ELAC2: variants seen among roughly 807,000 people sequenced by gnomAD.
The protein encoded by ELAC2 is zinc phosphodiesterase ELAC protein 2.
A neutral mutation model predicts 105.2 loss-of-function variants in ELAC2; 92 were observed. That is an observed-to-expected ratio of 0.87 (90% CI 0.74 to 1.04). The LOEUF is 1.04. ELAC2 is among the 50% of genes least tolerant of loss of function. The probability of loss-of-function intolerance (pLI) is 0.00; values close to 1 mark genes in which losing one functional copy is unlikely to be tolerated. For synonymous variants in ELAC2, 468 were observed against 409.1 expected, an observed-to-expected ratio of 1.14 and a Z score of -1.74; for missense variants, 1,099 against 1,071.7, an observed-to-expected ratio of 1.03 and a Z score of -0.36.
At chr17:13,011,215 T>C (rs2041392244) in intron 7 of ELAC2, among the ~76,000 whole-genome samples, 1 of 152,178 alleles carries the variant, frequency 6.6e-6, no homozygotes, top group African/African-American at 2.4e-5. Flanking sequence ...CTGAGCTACA[T>C]CTCATCTTGG....
rs369832353 is a variant in ELAC2, at chr17:13,005,672, T to C, written c.870+81A>G. On this transcript the variant is annotated intron_variant, in intron 10 of 23. Coordinates refer to ENST00000338034, the MANE Select transcript of ELAC2 (RefSeq NM_018127.7). ...CCACGTCCTTCAAAAGTGGTGTCTGTAGGGCCTGAAGAAGACAGACTCTGC... is the reference window on the plus strand; with the variant it reads ...CCACGTCCTTCAAAAGTGGTGTCTGCAGGGCCTGAAGAAGACAGACTCTGC... The C allele has an allele frequency of 6.2e-5, 89 of 1,444,692 alleles. 1 individual carries two copies. The African/African-American group carries it at 8.4e-4, about 14-fold the overall frequency. The allele number at this position is 1,444,692 out of a possible 1,614,324, so 89.5% of individuals were successfully genotyped here.
At position 13,014,485 on chromosome 17, in the gene ELAC2, G is replaced by C. The variant is rs547423100; in HGVS notation, c.444C>G (p.Leu148=). ...GACCAGAAAATATTTTGATTGCTTC[G>C]AGGTATTTTTCCTAATGAAAAACAA... is the stretch of plus-strand genomic sequence containing the variant. ...LSGPPQLEKY[L]EAIKIFSGPL... The change falls in exon 5 of 24, where the codon CTC becomes CTG. Residue 148 remains leucine, a synonymous_variant. Coordinates refer to ENST00000338034, the MANE Select transcript of ELAC2 (RefSeq NM_018127.7). 24 of 1,613,124 alleles carry C rather than the reference G, an allele frequency of 1.5e-5. No individual in the cohort carries two copies. In the Admixed American group the frequency reaches 1.7e-4, roughly 11 times the overall value.
At chr17:13,003,131 T>C (rs2040914987) in intron 12 of ELAC2, among the ~76,000 whole-genome samples, 1 of 152,148 alleles carries the variant, frequency 6.6e-6, no homozygotes, top group Admixed American at 6.5e-5. Context: ...TCCCACAAAG[T>C]GGGCATTCAG....
chr17:12,995,747 G>A lies in ELAC2; in HGVS notation c.1764C>T (p.Leu588=), dbSNP rs371826400. ...CCTGGCACTGGTTGTGGTACTGCTGGAGCCAGGCTTTGAGCTGGTTGGGGG... is the reference window on the plus strand; with the variant it reads ...CCTGGCACTGGTTGTGGTACTGCTGAAGCCAGGCTTTGAGCTGGTTGGGGG... ...VVAPNQLKAW[L]QQYHNQCQEV... The change falls in exon 19 of 24, where the codon CTC becomes CTT. Residue 588 remains leucine, a synonymous_variant. Transcript: ENST00000338034. 3 of 1,612,992 alleles carry A rather than the reference G, an allele frequency of 1.9e-6. No individual in the cohort carries two copies. The highest frequency in any genetic ancestry group is 2.2e-5 in the East Asian group (1 of 44,844).
At chr17:12,993,378 C>T (rs542693936) in intron 23 of ELAC2, among the ~76,000 whole-genome samples, 8 of 152,326 alleles carry the variant, frequency 5.3e-5, no homozygotes, top group Non-Finnish European at 8.8e-5. Context: ...TTCCCACTCA[C>T]AAGAGGCAAC....
chr17:13,002,821 A>G, intron 12 of ELAC2: 1 of 602,032 alleles, frequency 1.7e-6, no homozygotes, highest in Non-Finnish European at 2.9e-6. Context: ...CAAGAAAAAG[A>G]AGATGTCCAG....
Position 13,010,598 on chromosome 17 carries a change from G to T in ELAC2, c.738+15C>A. 1 of 1,613,702 alleles carries T rather than the reference G, an allele frequency of 6.2e-7. No homozygotes were observed. Among genetic ancestry groups the T allele is most frequent in the East Asian group, 2.2e-5 (1 of 44,880 alleles). ...GACCCCAGTCATGTACAGCCCTCCG[G>T]AAAGTCTTCCTTACCTTACAGATGA... On this transcript the variant is annotated intron_variant, in intron 8 of 23. Coordinates refer to ENST00000338034, the MANE Select transcript of ELAC2 (RefSeq NM_018127.7).
In ELAC2 at chr17:12,998,433, C is replaced by A. The variant is rs780515586; in HGVS notation, c.1499G>T (p.Ser500Ile). The A allele has an allele frequency of 2.5e-6, 4 of 1,614,074 alleles. No individual in the cohort carries two copies. Among genetic ancestry groups the A allele is most frequent in the Non-Finnish European group, 1.7e-6 (2 of 1,180,032 alleles). ...ATACCTTATGTTGACAAGTGTGGCA[C>A]TGACATTTCGAATCTTCATCGGGAT... Reference protein sequence around the residue: ...SAIPMKIRNVSATLVNISPDT... With the variant: ...SAIPMKIRNVIATLVNISPDT... Residue 500 changes from serine (S) to isoleucine (I), a missense_variant, in exon 16 of 24, where the codon AGT (serine) becomes ATT (isoleucine). Transcript: ENST00000338034.
At chr17:13,003,392 G>A in intron 12 of ELAC2, 87 bp downstream of exon 12, 5 of 1,236,604 alleles carry the variant, frequency 4.0e-6, no homozygotes, top group Non-Finnish European at 4.8e-6. Context: ...AGGGTAGGTA[G>A]CGCTGGAAAG....
chr17:13,010,472 C>T, intron 8 of ELAC2, 141 bp downstream of exon 8: 1 of 789,808 alleles, frequency 1.3e-6, no homozygotes, highest in Non-Finnish European at 2.1e-6. Context: ...CCCGGCCTTC[C>T]ATCAGCTTTT....
Position 12,998,057 on chromosome 17 carries a change from C to T in ELAC2, c.1520+355G>A, listed in dbSNP as rs538611043. 3.9e-4 allele frequency among the ~76,000 whole-genome samples: 60 copies of T among 152,346 alleles called. 1 individual carries two copies. Among genetic ancestry groups the T allele is most frequent in the African/African-American group, 1.3e-3 (53 of 41,594 alleles). ...ACCAGCTGTAGGAACCATAGCAAGTCACCTCTCTGAATATCAGGTCACTCA... is the reference window on the plus strand; with the variant it reads ...ACCAGCTGTAGGAACCATAGCAAGTTACCTCTCTGAATATCAGGTCACTCA... On this transcript the variant is annotated intron_variant, in intron 16 of 23. Coordinates refer to ENST00000338034, the MANE Select transcript of ELAC2 (RefSeq NM_018127.7).
chr17:13,003,810 T>C (rs2040962128), intron 11 of ELAC2: 1 of 560,496 alleles, frequency 1.8e-6, no homozygotes, highest in Non-Finnish European at 3.2e-6. Flanking sequence ...GGCTTTCCAG[T>C]AGGCCTGGCT....
chr17:13,003,469 G>T lies in ELAC2; in HGVS notation c.1079+10C>A. ...AGTTACCCCAAGTGCCGCTGGGCTG[G>T]GCTCCATACCTCTCCATCCACTGCT... On this transcript the variant is annotated intron_variant, in intron 12 of 23. Transcript: ENST00000338034. 6.2e-7 allele frequency: 1 copy of T among 1,613,800 alleles called. No homozygotes were observed. Among genetic ancestry groups the T allele is most frequent in the Non-Finnish European group, 8.5e-7 (1 of 1,179,716 alleles).
intron 15 of ELAC2, among the ~76,000 whole-genome samples, chr17:12,998,860 C>T (rs2040608418): frequency 6.6e-6 from 1 of 152,208 alleles, no homozygotes; most frequent in South Asian, 2.1e-4. Flanking sequence ...TACTTGCGCT[C>T]CTCTGCCACG....
chr17:13,000,293 G>A lies in ELAC2; in HGVS notation c.1305-19C>T, dbSNP rs768570432. ...GGCATCCCTGCAGGAAGAGAGAGAAGCATCTCAGGTGACGGACAGGGTATA... is the reference window on the plus strand; with the variant it reads ...GGCATCCCTGCAGGAAGAGAGAGAAACATCTCAGGTGACGGACAGGGTATA... On this transcript the variant is annotated intron_variant, in intron 14 of 23. Coordinates refer to ENST00000338034, the MANE Select transcript of ELAC2 (RefSeq NM_018127.7). 1 of 1,606,332 alleles carries A rather than the reference G, an allele frequency of 6.2e-7. No homozygotes were observed. Among genetic ancestry groups the A allele is most frequent in the South Asian group, 1.1e-5 (1 of 89,994 alleles).
Position 12,994,954 on chromosome 17 carries a change from G to GC in ELAC2, c.1908+8dup. On this transcript the variant is annotated intron_variant, in intron 20 of 23. Transcript: ENST00000338034. ...TCGCCCCCATGATGCCTGCGGCTGT[G>GC]CCCCTTACCTCTTCCAAATCACATG... The GC allele has an allele frequency of 6.2e-7, 1 of 1,614,092 alleles. No homozygotes were observed. Among genetic ancestry groups the GC allele is most frequent in the South Asian group, 1.1e-5 (1 of 91,088 alleles).
chr17:12,993,929 C>T (rs1216212559), intron 22 of ELAC2, 98 bp from the exon 23 acceptor site: 11 of 1,572,430 alleles, frequency 7.0e-6, no homozygotes, highest in African/African-American at 2.7e-5. Flanking sequence ...CCAGGGCACC[C>T]GGGGAAGCTG....
Position 12,992,073 on chromosome 17 carries a change from G to GACTT in ELAC2, c.*741_*744dup, listed in dbSNP as rs1345417163. ...CCACTTTTACCCAGAACCACCAGAA[G>GACTT]ACTTGCATTTCCCTGACCAATGACA... On this transcript the variant is annotated 3_prime_UTR_variant, in exon 24 of 24. Transcript: ENST00000338034. Among the ~76,000 whole-genome samples, 3 of 152,282 alleles carry GACTT rather than the reference G, an allele frequency of 2.0e-5. No individual in the cohort carries two copies. The highest frequency in any genetic ancestry group is 1.9e-4 in the East Asian group (1 of 5,180).
rs1448945053 is a variant in ELAC2 at position 12,992,758 on chromosome 17, AC to A, written c.*59del. 5.0e-6 allele frequency: 8 copies of A among 1,593,608 alleles called. No homozygotes were observed. The highest frequency in any genetic ancestry group is 5.2e-6 in the Non-Finnish European group (6 of 1,162,940). On this transcript the variant is annotated 3_prime_UTR_variant, in exon 24 of 24. Transcript: ENST00000338034. ...GCTTCTACCAGCAAGGAGGGCAGAT[AC>A]GGGTGCGTGCGTGGGGCAGAAGACA... is the stretch of plus-strand genomic sequence containing the variant.
Sources: gnomAD v4.1 joint callset for allele counts (sites outside exome capture counted in the v4.1 genomes callset) on GRCh38, gnomAD v4.1.1 for gene constraint, MANE v1.5 for transcripts, NCBI Gene and HGNC (gene_info 2026-07-23, HGNC 2026-07-21) for gene names.